Variants in ADAMTS2 observed in about 807,000 individuals in gnomAD.
ADAMTS2 encodes A disintegrin and metalloproteinase with thrombospondin motifs 2.
A neutral mutation model predicts 123.0 loss-of-function variants in ADAMTS2; 50 were observed. The observed-to-expected ratio is 0.41, with a 90% CI of 0.32 to 0.51. The LOEUF is 0.51. Among genes scored for constraint, ADAMTS2 ranks in the 20% least tolerant of loss-of-function variants. The probability of loss-of-function intolerance (pLI) is 0.35; values close to 1 mark genes in which losing one functional copy is unlikely to be tolerated. For synonymous variants in ADAMTS2, 678 were observed against 695.4 expected (o/e 0.98, Z 0.39); for missense variants, 1,494 against 1,705.2 (o/e 0.88, Z 2.18).
In ADAMTS2 at chr5:179,162,441, C is replaced by T. The variant is rs775201605; in HGVS notation, c.976-3562G>A. Reference sequence around the variant, plus strand: ...GATTAAAGGAGGATGAGACCACTGTCGAGCTAAGACTGGGGCTGCAGTCTC... The same window carrying T: ...GATTAAAGGAGGATGAGACCACTGTTGAGCTAAGACTGGGGCTGCAGTCTC... On this transcript the variant is annotated intron_variant, in intron 5 of 21. Coordinates refer to ENST00000251582, the MANE Select transcript of ADAMTS2 (RefSeq NM_014244.5). This position sits in a 1 kb window ranked among gnomAD's most constrained non-coding sequence, Gnocchi z 5.1. Among the ~76,000 whole-genome samples, 8 of 152,146 alleles carry T rather than the reference C, an allele frequency of 5.3e-5. No individual in the cohort carries two copies. The highest frequency in any genetic ancestry group is 3.9e-4 in the East Asian group (2 of 5,160).
In ADAMTS2 at chr5:179,200,699, G is replaced by T. The variant is rs1450740488; in HGVS notation, c.891+6814C>A. 2.0e-5 allele frequency among the ~76,000 whole-genome samples: 3 copies of T among 152,160 alleles called. No individual in the cohort carries two copies. In the East Asian group the frequency reaches 5.8e-4, roughly 29 times the overall value. On this transcript the variant is annotated intron_variant, in intron 4 of 21. Coordinates refer to ENST00000251582, the MANE Select transcript of ADAMTS2 (RefSeq NM_014244.5). ...GAAGATTAACTTCTGGGGAGGGCAG[G>T]AGGCATCAAACACATCACCCAAGGG...
chr5:179,163,073 G>A (rs1763628509), intron 5 of ADAMTS2, among the ~76,000 whole-genome samples: 1 of 152,196 alleles, frequency 6.6e-6, no homozygotes, highest in Non-Finnish European at 1.5e-5. Context: ...AATGAGGCTA[G>A]TGTGTAGGAC....
chr5:179,237,070 C>T (rs1421736757), intron 3 of ADAMTS2, among the ~76,000 whole-genome samples: 4 of 152,058 alleles, frequency 2.6e-5, no homozygotes, highest in Non-Finnish European at 5.9e-5. Flanking sequence ...GCTTGGTTAA[C>T]ACAGCAAGCC....
At chr5:179,293,048 C>T (rs770516697) in intron 2 of ADAMTS2, among the ~76,000 whole-genome samples, 73 of 152,182 alleles carry the variant, frequency 4.8e-4, no homozygotes, top group Admixed American at 1.2e-3. Flanking sequence ...AAGCGTCTTT[C>T]CTGCAGCCAT....
chr5:179,311,264 C>A (rs936658308), intron 2 of ADAMTS2, among the ~76,000 whole-genome samples: 1 of 152,220 alleles, frequency 6.6e-6, no homozygotes, highest in African/African-American at 2.4e-5. Context: ...TGGCTGGCCA[C>A]TTCTCTGGAA....
intron 3 of ADAMTS2, among the ~76,000 whole-genome samples, chr5:179,231,924 AAAAAAG>A (rs1765419556): frequency 1.4e-5 from 1 of 73,256 alleles, no homozygotes; most frequent in African/African-American, 8.4e-5. Context: ...CTAGGAAAAA[AAAAAAG>A]AAAAAAGAAA....
rs1392075606 is a variant in ADAMTS2, at chr5:179,158,629, C to G, written c.1132+94G>C. The G allele has an allele frequency of 1.3e-6, 2 of 1,566,452 alleles. No homozygotes were observed. Among genetic ancestry groups the G allele is most frequent in the East Asian group, 2.2e-5 (1 of 44,616 alleles). Reference sequence around the variant, plus strand: ...CGGCCTTCCCTGCCCTGACACTCTTCCCTGGGCTGGGCCAAGGCTCCCGGG... The same window carrying G: ...CGGCCTTCCCTGCCCTGACACTCTTGCCTGGGCTGGGCCAAGGCTCCCGGG... On this transcript the variant is annotated intron_variant, in intron 6 of 21. Coordinates refer to ENST00000251582, the MANE Select transcript of ADAMTS2 (RefSeq NM_014244.5). The surrounding 1 kb of genome is among the most constrained non-coding windows in gnomAD (Gnocchi z 5.0).
intron 2 of ADAMTS2, among the ~76,000 whole-genome samples, chr5:179,329,064 A>C (rs1204689816): frequency 6.6e-6 from 1 of 152,234 alleles, no homozygotes; most frequent in South Asian, 2.1e-4. Context: ...ACAGTGGCTC[A>C]TGCCTGCAAT....
chr5:179,189,774 A>T lies in ADAMTS2; in HGVS notation c.892-8619T>A, dbSNP rs191914839. Among the ~76,000 whole-genome samples, 1 of 146,036 alleles carries T rather than the reference A, an allele frequency of 6.8e-6. No individual in the cohort carries two copies. The highest frequency in any genetic ancestry group is 1.5e-5 in the Non-Finnish European group (1 of 66,792). On this transcript the variant is annotated intron_variant, in intron 4 of 21. Coordinates refer to ENST00000251582, the MANE Select transcript of ADAMTS2 (RefSeq NM_014244.5). The surrounding 1 kb of genome is among the most constrained non-coding windows in gnomAD (Gnocchi z 4.2). ...GGACAATATTACAAAGTATCTTCTT[A>T]AGGATGGGGGTGGGGAAGAATATTA...
intron 13 of ADAMTS2, among the ~76,000 whole-genome samples, chr5:179,135,095 GCTCCCGGCTCCAGCCCCCA>G (rs1763041588): frequency 1.1e-5 from 1 of 94,474 alleles, no homozygotes; most frequent in African/African-American, 3.8e-5. Flanking sequence ...CCAGCCCCCA[GCTCCCGGCTCCAGCCCCCA>G]GCTCCCGGCT....
chr5:179,202,251 G>T lies in ADAMTS2; in HGVS notation c.891+5262C>A, dbSNP rs1258902534. 6.6e-6 allele frequency among the ~76,000 whole-genome samples: 1 copy of T among 151,684 alleles called. No individual in the cohort carries two copies. The highest frequency in any genetic ancestry group is 2.0e-4 in the East Asian group (1 of 5,114). ...CCAGGCTGCCTCCATTCTTCCAGCC[G>T]GCCCCATTCCTGCCTCAGGGCCTTG... On this transcript the variant is annotated intron_variant, in intron 4 of 21. Coordinates refer to ENST00000251582, the MANE Select transcript of ADAMTS2 (RefSeq NM_014244.5). This position sits in a 1 kb window ranked among gnomAD's most constrained non-coding sequence, Gnocchi z 4.0.
intron 10 of ADAMTS2, among the ~76,000 whole-genome samples, chr5:179,146,997 G>A (rs996628194): frequency 3.9e-5 from 6 of 152,106 alleles, no homozygotes; most frequent in African/African-American, 7.2e-5. Context: ...CTTTCATTGC[G>A]GTTTCTCTTC....
intron 4 of ADAMTS2, 42 bp downstream of exon 4, chr5:179,207,471 A>ACCCGGGCC: frequency 2.9e-6 from 3 of 1,026,472 alleles, no homozygotes; most frequent in Non-Finnish European, 3.0e-6. Flanking sequence ...CCCCTGGTTG[A>ACCCGGGCC]CCCTCCCCGC....
chr5:179,327,361 C>G (rs1581279280), intron 2 of ADAMTS2, among the ~76,000 whole-genome samples: 1 of 152,280 alleles, frequency 6.6e-6, no homozygotes, highest in South Asian at 2.1e-4. Context: ...TACTCGCCAG[C>G]CTTCTCCTGA....
At chr5:179,147,684 CA>C (rs1455476562) in intron 10 of ADAMTS2, among the ~76,000 whole-genome samples, 1 of 152,156 alleles carries the variant, frequency 6.6e-6, no homozygotes, top group South Asian at 2.1e-4. Context: ...CAGACACAAT[CA>C]TTTAACTCTA....
chr5:179,172,406 C>G (rs1319623526), intron 5 of ADAMTS2, among the ~76,000 whole-genome samples: 1 of 152,214 alleles, frequency 6.6e-6, no homozygotes, highest in Non-Finnish European at 1.5e-5. Context: ...GTGGGGGTCC[C>G]AGCAAAGCAG....
At chr5:179,121,784 G>A in intron 20 of ADAMTS2, 34 bp from the exon 21 acceptor site, 2 of 1,468,568 alleles carry the variant, frequency 1.4e-6, no homozygotes, top group Non-Finnish European at 1.8e-6. Flanking sequence ...CGGCCGCAGG[G>A]CACCAGGCTG....
intron 3 of ADAMTS2, among the ~76,000 whole-genome samples, chr5:179,259,668 C>G (rs538871028): frequency 9.2e-5 from 14 of 152,246 alleles, no homozygotes; most frequent in African/African-American, 1.9e-4. Context: ...CCGGGTCTGT[C>G]GTTCCAGCAT....
At chr5:179,203,513 C>T (rs1054871949) in intron 4 of ADAMTS2, among the ~76,000 whole-genome samples, 1 of 152,214 alleles carries the variant, frequency 6.6e-6, no homozygotes, top group Non-Finnish European at 1.5e-5. Flanking sequence ...CTTAGAGGGC[C>T]ACTTGGGGTT....
Sources: gnomAD v4.1 joint callset for allele counts (sites outside exome capture counted in the v4.1 genomes callset) on GRCh38, gnomAD v4.1.1 for gene constraint, Gnocchi (gnomAD v3.1) non-coding constraint, MANE v1.5 for transcripts, NCBI Gene and HGNC (gene_info 2026-07-23, HGNC 2026-07-21) for gene names.